Variants in BZW2 observed in about 807,000 individuals in gnomAD.
BZW2 encodes the protein basic leucine zipper and W2 domains 2.
A neutral mutation model predicts 53.2 loss-of-function variants in BZW2; 23 were observed. That is an observed-to-expected ratio of 0.43 (90% confidence interval 0.31 to 0.61). The LOEUF is 0.61. Ranked by LOEUF, BZW2 falls within the 20% of genes least tolerant of loss-of-function variation. The probability of loss-of-function intolerance (pLI) is 0.09; values close to 1 mark genes in which losing one functional copy is unlikely to be tolerated. For synonymous variants in BZW2, 227 were observed against 186.4 expected, an observed-to-expected ratio of 1.22 and a Z score of -1.77; for missense variants, 409 against 503.1, an observed-to-expected ratio of 0.81 and a Z score of 1.79.
intron 1 of BZW2, among the ~76,000 whole-genome samples, chr7:16,650,547 A>G (rs1781959420): frequency 6.6e-6 from 1 of 152,198 alleles, no homozygotes; most frequent in Admixed American, 6.5e-5. Context: ...TTAATCTGAC[A>G]CCTACTTTCT....
chr7:16,686,393 A>T (rs1783126999), intron 6 of BZW2: 1 of 218,348 alleles, frequency 4.6e-6, no homozygotes, highest in Admixed American at 5.0e-5. Flanking sequence ...TTTCACCCCT[A>T]TTATAAGAAC....
At chr7:16,698,803 G>A (rs1359169529) in intron 10 of BZW2, among the ~76,000 whole-genome samples, 1 of 152,168 alleles carries the variant, frequency 6.6e-6, no homozygotes, top group Non-Finnish European at 1.5e-5. Context: ...AAATGTCCTA[G>A]GCTATTTTTT....
chr7:16,673,389 T>C (rs567613777), intron 2 of BZW2, among the ~76,000 whole-genome samples: 1 of 152,228 alleles, frequency 6.6e-6, no homozygotes, highest in African/African-American at 2.4e-5. Context: ...ACTTTTACAG[T>C]GGAGTTTTCT....
chr7:16,700,308 G>A lies in BZW2; in HGVS notation c.1108+2122G>A, dbSNP rs148405945. ...ATTGTTCCATACCACCGTTAAGAGC[G>A]TTACTGTGTTAACTATGTTTACCAT... On this transcript the variant is annotated intron_variant, in intron 10 of 11. Coordinates refer to ENST00000258761, the MANE Select transcript of BZW2 (RefSeq NM_014038.3). 4.4e-3 allele frequency among the ~76,000 whole-genome samples: 676 copies of A among 152,224 alleles called. 14 individuals carry two copies. The highest frequency in any genetic ancestry group is 0.033 in the Admixed American group (500 of 15,284).
chr7:16,658,742 G>A (rs974344334), intron 1 of BZW2, among the ~76,000 whole-genome samples: 1 of 151,980 alleles, frequency 6.6e-6, no homozygotes, highest in East Asian at 1.9e-4. Context: ...GGGCATGGTG[G>A]CGTGCAACTG....
intron 8 of BZW2, among the ~76,000 whole-genome samples, chr7:16,695,617 C>CT (rs568965683): frequency 0.01 from 1,578 of 152,130 alleles, 20 homozygotes; most frequent in African/African-American, 0.031. Context: ...ATGACTATAT[C>CT]TTTTTTTTAT....
chr7:16,656,555 G>A (rs818810), intron 1 of BZW2, among the ~76,000 whole-genome samples: 1,725 of 141,244 alleles, frequency 0.012, 24 homozygotes, highest in African/African-American at 0.033. Flanking sequence ...GCGCGCGCGC[G>A]CACACACACA....
At chr7:16,675,951 G>A (rs1583722651) in intron 3 of BZW2, among the ~76,000 whole-genome samples, 1 of 152,240 alleles carries the variant, frequency 6.6e-6, no homozygotes, top group Admixed American at 6.5e-5. Flanking sequence ...TGTGGTGGCG[G>A]CTGCCTGTAA....
chr7:16,690,343 A>G (rs1302802444), intron 7 of BZW2, among the ~76,000 whole-genome samples: 1 of 152,018 alleles, frequency 6.6e-6, no homozygotes, highest in Non-Finnish European at 1.5e-5. Flanking sequence ...GTGGGATTAC[A>G]GGTGCTCTCC....
At chr7:16,683,406 C>T (rs1199537833) in intron 5 of BZW2, among the ~76,000 whole-genome samples, 2 of 152,172 alleles carry the variant, frequency 1.3e-5, no homozygotes, top group East Asian at 1.9e-4. Flanking sequence ...GTGCTTTGTT[C>T]AGTAAGAATA....
intron 2 of BZW2, among the ~76,000 whole-genome samples, chr7:16,672,283 C>G (rs761660934): frequency 6.6e-6 from 1 of 152,002 alleles, no homozygotes; most frequent in Non-Finnish European, 1.5e-5. Flanking sequence ...TCTGTCTATT[C>G]GATGTATTTT....
intron 3 of BZW2, among the ~76,000 whole-genome samples, chr7:16,675,202 A>G (rs957852411): frequency 4.6e-5 from 7 of 151,918 alleles, no homozygotes; most frequent in Non-Finnish European, 1.0e-4. Flanking sequence ...ATAGCCACCC[A>G]TTTTTCCTCT....
chr7:16,699,357 C>T (rs1783599576), intron 10 of BZW2, among the ~76,000 whole-genome samples: 1 of 152,186 alleles, frequency 6.6e-6, no homozygotes, highest in Admixed American at 6.5e-5. Flanking sequence ...CAGAACCAAA[C>T]CTGCAAGCCA....
intron 1 of BZW2, among the ~76,000 whole-genome samples, chr7:16,651,710 C>A (rs1441464272): frequency 6.6e-6 from 1 of 152,108 alleles, no homozygotes; most frequent in East Asian, 1.9e-4. Context: ...CATAAATTTT[C>A]TAATATTCGT....
intron 10 of BZW2, among the ~76,000 whole-genome samples, chr7:16,703,824 T>C (rs776412599): frequency 2.0e-5 from 3 of 152,220 alleles, no homozygotes; most frequent in African/African-American, 2.4e-5. Context: ...TTTAGAGTTT[T>C]AGACAAAAGA....
chr7:16,656,027 C>G (rs1309513759), intron 1 of BZW2, among the ~76,000 whole-genome samples: 1 of 151,546 alleles, frequency 6.6e-6, no homozygotes, highest in Non-Finnish European at 1.5e-5. Context: ...AACATAGATA[C>G]CATAATTTTA....
At chr7:16,677,161 G>T (rs1782791902) in intron 3 of BZW2, among the ~76,000 whole-genome samples, 1 of 151,850 alleles carries the variant, frequency 6.6e-6, no homozygotes, top group South Asian at 2.1e-4. Context: ...GAATGCCTGG[G>T]TTTATATCCC....
intron 3 of BZW2, 67 bp downstream of exon 3, chr7:16,674,655 T>C (rs1328296175): frequency 2.4e-6 from 3 of 1,272,426 alleles, no homozygotes; most frequent in East Asian, 5.3e-5. Context: ...AGTATTTCCT[T>C]ATAAGATAGA....
At position 16,688,838 on chromosome 7, in the gene BZW2, AT is replaced by A. The variant is rs1451143097; in HGVS notation, c.542-958del. Among the ~76,000 whole-genome samples, 3 of 151,640 alleles carry A rather than the reference AT, an allele frequency of 2.0e-5. No individual in the cohort carries two copies. In the East Asian group the frequency reaches 5.8e-4, roughly 29 times the overall value. Reference sequence around the variant, plus strand: ...TGATTAAATGGTTTCCTGATTTAACATAACTAGCTTAATAATGATTTTTTTT... The same window carrying A: ...TGATTAAATGGTTTCCTGATTTAACAAACTAGCTTAATAATGATTTTTTTT... On this transcript the variant is annotated intron_variant, in intron 6 of 11. Transcript: ENST00000258761.
Sources: allele counts gnomAD v4.1 joint callset (sites outside exome capture counted in the v4.1 genomes callset), GRCh38; gene constraint gnomAD v4.1.1; transcripts MANE v1.5; gene names NCBI Gene and HGNC (gene_info 2026-07-23, HGNC 2026-07-21).